TBC1D19: variants seen among roughly 807,000 people sequenced by gnomAD.
TBC1D19 encodes the protein TBC1 domain family, member 19.
In TBC1D19, 60 loss-of-function variants were observed where a neutral mutation model predicts 89.0. The ratio of observed to expected loss-of-function variants is 0.67; its 90% CI spans 0.55 to 0.84. The LOEUF is 0.84. Among genes scored for constraint, TBC1D19 ranks in the 40% least tolerant of loss-of-function variants. The pLI is 0.00. For missense variants in TBC1D19, 500 were observed against 610.8 expected (o/e 0.82, Z 1.91); for synonymous variants, 189 against 199.7 (o/e 0.95, Z 0.45).
intron 1 of TBC1D19, among the ~76,000 whole-genome samples, chr4:26,592,446 C>T (rs528469930): frequency 3.7e-4 from 57 of 152,292 alleles, no homozygotes; most frequent in Middle Eastern, 3.4e-3. Context: ...GATGCCCTCT[C>T]TCACCACTCC....
chr4:26,643,449 C>A (rs1034256694), intron 7 of TBC1D19, among the ~76,000 whole-genome samples: 2 of 152,080 alleles, frequency 1.3e-5, no homozygotes, highest in African/African-American at 4.8e-5. Context: ...AAATTTATAG[C>A]ACTAAATGCC....
chr4:26,631,106 C>T (rs894993937), intron 4 of TBC1D19, among the ~76,000 whole-genome samples: 7 of 152,058 alleles, frequency 4.6e-5, no homozygotes, highest in Admixed American at 6.6e-5. Flanking sequence ...AAAGACCTCT[C>T]CACCTTGACA....
chr4:26,831,641 A>G, the TBC1D19 span, among the ~76,000 whole-genome samples: 1 of 134,144 alleles, frequency 7.5e-6, no homozygotes, highest in Non-Finnish European at 1.5e-5. Flanking sequence ...GGAGTGCCAT[A>G]GCGTGATTTT....
intron 4 of TBC1D19, among the ~76,000 whole-genome samples, chr4:26,624,263 GTTA>G (rs1163939204): frequency 6.6e-6 from 1 of 152,142 alleles, no homozygotes; most frequent in Non-Finnish European, 1.5e-5. Context: ...CTTCTCTGAT[GTTA>G]TTATTGATTA....
intron 3 of TBC1D19, among the ~76,000 whole-genome samples, chr4:26,617,392 C>G (rs1741762165): frequency 6.6e-6 from 1 of 152,206 alleles, no homozygotes; most frequent in African/African-American, 2.4e-5. Context: ...GATCATATAG[C>G]TAGCAAATGG....
intron 1 of TBC1D19, among the ~76,000 whole-genome samples, chr4:26,597,262 C>T (rs537779882): frequency 8.0e-4 from 122 of 152,242 alleles, no homozygotes; most frequent in African/African-American, 2.8e-3. Flanking sequence ...TGGTTATATA[C>T]AGATTGATCT....
At chr4:26,577,185 T>A (rs1738990714) in intron 1 of TBC1D19, among the ~76,000 whole-genome samples, 1 of 152,200 alleles carries the variant, frequency 6.6e-6, no homozygotes. Context: ...AACTTTTTTT[T>A]AACTGAACAT....
At chr4:26,735,620 C>A in intron 16 of TBC1D19, 133 bp downstream of exon 16, 3 of 738,962 alleles carry the variant, frequency 4.1e-6, no homozygotes, top group Non-Finnish European at 6.1e-6. Context: ...AAGTGAAATG[C>A]ATGCTAGTTC....
chr4:26,779,610 G>A, the TBC1D19 span, among the ~76,000 whole-genome samples: 1 of 152,140 alleles, frequency 6.6e-6, no homozygotes, highest in Non-Finnish European at 1.5e-5. Context: ...GCTTACTTGG[G>A]TTTTGGACTA....
chr4:26,654,209 TC>T (rs1448285899), intron 7 of TBC1D19, among the ~76,000 whole-genome samples: 2 of 152,242 alleles, frequency 1.3e-5, no homozygotes, highest in Non-Finnish European at 2.9e-5. Flanking sequence ...GCCCCCACTC[TC>T]TTCTGGCTTG....
intron 1 of TBC1D19, among the ~76,000 whole-genome samples, chr4:26,591,833 G>A (rs1739831273): frequency 6.6e-6 from 1 of 152,236 alleles, no homozygotes; most frequent in Non-Finnish European, 1.5e-5. Context: ...CTCTGAAATT[G>A]AGGCAATAAT....
At chr4:26,614,975 G>A (rs1200448654) in intron 3 of TBC1D19, among the ~76,000 whole-genome samples, 1 of 152,026 alleles carries the variant, frequency 6.6e-6, no homozygotes, top group Non-Finnish European at 1.5e-5. Flanking sequence ...ACTGTGCCTG[G>A]CCCCACCCAT....
intron 12 of TBC1D19, among the ~76,000 whole-genome samples, chr4:26,685,835 A>G (rs1212464960): frequency 9.9e-5 from 15 of 152,216 alleles, no homozygotes; most frequent in Non-Finnish European, 1.5e-5. Flanking sequence ...CCTCTTTTCT[A>G]GTCAAATGAG....
intron 12 of TBC1D19, among the ~76,000 whole-genome samples, chr4:26,686,057 T>C (rs558758402): frequency 2.0e-5 from 3 of 152,352 alleles, no homozygotes; most frequent in South Asian, 4.1e-4. Flanking sequence ...TCTCTGGTTA[T>C]TTTTGACTTA....
intron 7 of TBC1D19, among the ~76,000 whole-genome samples, chr4:26,653,916 G>A (rs1286430218): frequency 2.4e-4 from 37 of 152,094 alleles, no homozygotes; most frequent in East Asian, 3.8e-4. Context: ...TCCTGTCATT[G>A]TGATGTTAGC....
chr4:26,842,624 C>CTTTCTTTCTT, the TBC1D19 span, among the ~76,000 whole-genome samples: 3 of 126,488 alleles, frequency 2.4e-5, no homozygotes, highest in African/African-American at 9.0e-5. Context: ...TTCTTTCTTT[C>CTTTCTTTCTT]TTTCTTTCTT....
At chr4:26,837,777 C>G in the TBC1D19 span, among the ~76,000 whole-genome samples, 1 of 151,790 alleles carries the variant, frequency 6.6e-6, no homozygotes, top group East Asian at 1.9e-4. Flanking sequence ...ATGTGGGGTG[C>G]GGGTGAGTCT....
At chr4:26,590,810 T>G (rs74662447) in intron 1 of TBC1D19, among the ~76,000 whole-genome samples, 29,210 of 100,022 alleles carry the variant, frequency 0.29, 4,438 homozygotes, top group Non-Finnish European at 0.38. Flanking sequence ...TTTTTTTTTT[T>G]TTTTTTTTTT....
At chr4:26,638,711 A>T in intron 5 of TBC1D19, 60 bp from the exon 6 acceptor site, 2 of 1,252,098 alleles carry the variant, frequency 1.6e-6, no homozygotes, top group African/African-American at 1.5e-5. Flanking sequence ...TCTTGTTTTT[A>T]GTTGTATTGC....
Sources: allele counts gnomAD v4.1 joint callset (sites outside exome capture counted in the v4.1 genomes callset), GRCh38; gene constraint gnomAD v4.1.1; transcripts MANE v1.5; gene names NCBI Gene and HGNC (gene_info 2026-07-23, HGNC 2026-07-21).